The following HEATR3 variants were observed in gnomAD, a reference collection of about 807,000 sequenced individuals.
The protein encoded by HEATR3 is HEAT repeat containing 3, also known as HEAT repeat-containing protein 3.
In HEATR3, 56 loss-of-function variants were observed where a neutral mutation model predicts 72.8. The observed-to-expected ratio is 0.77, with a 90% confidence interval of 0.62 to 0.96. The LOEUF is 0.96. HEATR3 is among the 40% of genes least tolerant of loss of function. The pLI is 0.00. For missense variants in HEATR3, 747 were observed against 831.4 expected (o/e 0.90, Z 1.25); for synonymous variants, 331 against 318.1 (o/e 1.04, Z -0.43).
Position 50,078,922 on chromosome 16 carries a change from C to A in HEATR3, c.945C>A (p.Asn315Lys). The change falls in exon 7 of 15, where the codon AAC becomes AAA. Residue 315 changes from asparagine (N) to lysine (K), a missense_variant. By Grantham distance (94) the Asn-to-Lys change is moderately conservative. Coordinates refer to ENST00000299192, the MANE Select transcript of HEATR3 (RefSeq NM_182922.4). ...CAGAGGCTGAGGAAATATTAGAGAACACTAATGGGGATGATTTGATTGAAG... is the reference window on the plus strand; with the variant it reads ...CAGAGGCTGAGGAAATATTAGAGAAAACTAATGGGGATGATTTGATTGAAG... Reference protein sequence around the residue: ...TAAEAEEILENTNGDDLIEDD... With the variant: ...TAAEAEEILEKTNGDDLIEDD... 6.2e-7 allele frequency: 1 copy of A among 1,613,964 alleles called. No individual in the cohort carries two copies. The highest frequency in any genetic ancestry group is 8.5e-7 in the Non-Finnish European group (1 of 1,179,976).
chr16:50,084,688 A>G, intron 10 of HEATR3, 37 bp downstream of exon 10: 1 of 1,446,228 alleles, frequency 6.9e-7, no homozygotes, highest in African/African-American at 1.4e-5. Context: ...ATTTGTCATT[A>G]TTTTATTTTA....
Position 50,066,093 on chromosome 16 carries a change from C to T in HEATR3, c.-39C>T, listed in dbSNP as rs765163847. On this transcript the variant is annotated 5_prime_UTR_variant, in exon 1 of 15. Transcript: ENST00000299192. The stretch of plus-strand genomic sequence containing the variant: ...GCAGCCTCCACCGCCTGCTGTTGCC[C>T]TCCTCTCTCGGTGGTCTGTCCGCCC... 4.5e-6 allele frequency: 7 copies of T among 1,558,284 alleles called. No individual in the cohort carries two copies. The highest frequency in any genetic ancestry group is 1.2e-5 in the South Asian group (1 of 85,072).
At chr16:50,082,790 T>TC (rs1354506082) in intron 7 of HEATR3, among the ~76,000 whole-genome samples, 1 of 151,702 alleles carries the variant, frequency 6.6e-6, no homozygotes, top group African/African-American at 2.4e-5. Context: ...AAATTTTTTT[T>TC]CTTTTTCTTT....
Position 50,066,366 on chromosome 16 carries a change from G to C in HEATR3, c.139-1G>C. The stretch of plus-strand genomic sequence containing the variant: ...CTGACCCTTTTCGCTCTCATCCGCA[G>C]CTCCAGCACCCGAGCGCCGAGGTCC... On this transcript the variant is annotated splice_acceptor_variant, in intron 1 of 14. Transcript: ENST00000299192. LOFTEE classifies it high-confidence loss of function. 3.9e-6 allele frequency: 6 copies of C among 1,551,458 alleles called. No homozygotes were observed. The highest frequency in any genetic ancestry group is 5.2e-6 in the Non-Finnish European group (6 of 1,159,752).
intron 3 of HEATR3, among the ~76,000 whole-genome samples, chr16:50,069,466 T>G (rs1436086664): frequency 6.6e-6 from 1 of 152,168 alleles, no homozygotes; most frequent in African/African-American, 2.4e-5. Context: ...TTTAGAGCAG[T>G]GATTCTCAAC....
At chr16:50,100,786 CAGTT>C (rs1462635282) in intron 13 of HEATR3, 2 of 222,218 alleles carry the variant, frequency 9.0e-6, no homozygotes, top group Non-Finnish European at 1.8e-5. Context: ...AAATACAACA[CAGTT>C]AATTAATTCT....
At chr16:50,088,217 C>A (rs925759181) in intron 11 of HEATR3, among the ~76,000 whole-genome samples, 1 of 152,214 alleles carries the variant, frequency 6.6e-6, no homozygotes, top group East Asian at 1.9e-4. Flanking sequence ...CTTTAGACAT[C>A]TGTTTTACAT....
chr16:50,100,730 CA>C, intron 13 of HEATR3: 1 of 247,448 alleles, frequency 4.0e-6, no homozygotes, highest in Non-Finnish European at 7.8e-6. Flanking sequence ...GATGAATGAA[CA>C]ATCCACACCA....
chr16:50,080,749 G>A (rs1484416813), intron 7 of HEATR3, among the ~76,000 whole-genome samples: 1 of 152,186 alleles, frequency 6.6e-6, no homozygotes, highest in Non-Finnish European at 1.5e-5. Context: ...GGGATTATAG[G>A]CGTGCACCAT....
chr16:50,067,699 G>T (rs550095252), intron 2 of HEATR3, among the ~76,000 whole-genome samples: 3 of 152,264 alleles, frequency 2.0e-5, no homozygotes, highest in South Asian at 2.1e-4. Context: ...CTGCAGAGGG[G>T]GCAAGAGTAG....
At chr16:50,078,083 C>T (rs934217517) in intron 6 of HEATR3, among the ~76,000 whole-genome samples, 2 of 151,652 alleles carry the variant, frequency 1.3e-5, no homozygotes, top group African/African-American at 4.8e-5. Context: ...CACCATGTTG[C>T]CCAGGCTTGT....
At chr16:50,076,624 A>G (rs1295947781) in intron 6 of HEATR3, among the ~76,000 whole-genome samples, 1 of 151,614 alleles carries the variant, frequency 6.6e-6, no homozygotes, top group Non-Finnish European at 1.5e-5. Flanking sequence ...TGCAGCCTCC[A>G]CCTCCTGGGC....
rs151149066 is a variant in HEATR3, at chr16:50,066,333, C to T, written c.139-34C>T. On this transcript the variant is annotated intron_variant, in intron 1 of 14. Coordinates refer to ENST00000299192, the MANE Select transcript of HEATR3 (RefSeq NM_182922.4). The stretch of plus-strand genomic sequence containing the variant: ...GGTTGCCCCGCGCGCGTGCGCATTG[C>T]GCGCCTTCTGACCCTTTTCGCTCTC... The T allele has an allele frequency of 4.2e-4, 650 of 1,562,610 alleles. 2 individuals are homozygous for T. The African/African-American group carries it at 8.4e-3, about 20-fold the overall frequency.
At chr16:50,072,799 T>G (rs921644777) in intron 5 of HEATR3, 85 bp downstream of exon 5, 13 of 813,800 alleles carry the variant, frequency 1.6e-5, no homozygotes, top group African/African-American at 3.4e-5. Flanking sequence ...TTTATTCCAC[T>G]GGAGTGATTT....
rs2036498776 is a variant in HEATR3 at position 50,066,471 on chromosome 16, G to T, written c.243G>T (p.Val81=). 5.2e-6 allele frequency: 7 copies of T among 1,353,682 alleles called. No individual in the cohort carries two copies. The South Asian group carries it at 1.1e-4, about 21-fold the overall frequency. The allele number at this position is 1,353,682 out of a possible 1,614,324, so 83.9% of individuals were successfully genotyped here. The change falls in exon 2 of 15, where the codon GTG becomes GTT. Residue 81 remains valine, a synonymous_variant. Transcript: ENST00000299192. Reference sequence around the variant, plus strand: ...CGGGCCTGGCGCGACGAGACGCCGTGCGCCGCCTCGGGCCGCTGCTGCTAG... The same window carrying T: ...CGGGCCTGGCGCGACGAGACGCCGTTCGCCGCCTCGGGCCGCTGCTGCTAG... ...ALPGLARRDA[V]RRLGPLLLDP...
intron 1 of HEATR3, 35 bp downstream of exon 1, chr16:50,066,304 A>G (rs1376536688): frequency 1.9e-6 from 3 of 1,575,224 alleles, no homozygotes; most frequent in Admixed American, 1.8e-5. Context: ...GGGAGGCGAG[A>G]CGAGGTTGCC....
rs146751612 is a variant in HEATR3 at position 50,083,686 on chromosome 16, T to C, written c.1042-251T>C. On this transcript the variant is annotated intron_variant, in intron 7 of 14. Transcript: ENST00000299192. The stretch of plus-strand genomic sequence containing the variant: ...TGTCTGTTCTCTCCAGCTAACTAAG[T>C]GACGCTTGGGGAATAGCCATGCAGA... 1.3e-3 allele frequency among the ~76,000 whole-genome samples: 199 copies of C among 152,256 alleles called. 1 individual carries two copies. Among genetic ancestry groups the C allele is most frequent in the African/African-American group, 4.5e-3 (189 of 41,542 alleles).
rs767972298 is a variant in HEATR3, at chr16:50,068,870, A to G, written c.399+3A>G. The G allele has an allele frequency of 1.9e-6, 3 of 1,609,786 alleles. No individual in the cohort carries two copies. Among genetic ancestry groups the G allele is most frequent in the South Asian group, 1.1e-5 (1 of 90,786 alleles). ...CTCTGGTTGCGCTGCTAAAAGAGGT[A>G]TGCAGTTTTTACAGTATCTTGATGG... is the stretch of plus-strand genomic sequence containing the variant. On this transcript the variant is annotated splice_donor_region_variant and intron_variant, in intron 3 of 14. Coordinates refer to ENST00000299192, the MANE Select transcript of HEATR3 (RefSeq NM_182922.4).
intron 12 of HEATR3, among the ~76,000 whole-genome samples, chr16:50,099,888 T>C (rs1486988511): frequency 6.6e-6 from 1 of 152,212 alleles, no homozygotes; most frequent in Non-Finnish European, 1.5e-5. Context: ...CACACAATCC[T>C]ATTTATACTT....
Sources: gnomAD v4.1 joint callset for allele counts (sites outside exome capture counted in the v4.1 genomes callset) on GRCh38, gnomAD v4.1.1 for gene constraint, MANE v1.5 for transcripts, NCBI Gene and HGNC (gene_info 2026-07-23, HGNC 2026-07-21) for gene names.